Variants in SRGAP2 observed in about 807,000 individuals in gnomAD.
SRGAP2 encodes SLIT-ROBO Rho GTPase-activating protein 2.
In SRGAP2, 15 loss-of-function variants were observed where a neutral mutation model predicts 57.2. The observed-to-expected ratio is 0.26, with a 90% CI of 0.18 to 0.40. SRGAP2 has a LOEUF of 0.40. Ranked by LOEUF, SRGAP2 falls within the 10% of genes least tolerant of loss-of-function variation. The pLI is 1.00. For missense variants in SRGAP2, 520 were observed against 669.6 expected, an observed-to-expected ratio of 0.78 and a Z score of 2.47; for synonymous variants, 249 against 248.0, an observed-to-expected ratio of 1.00 and a Z score of -0.04.
chr1:206,419,176 A>G (rs978025811), intron 11 of SRGAP2, among the ~76,000 whole-genome samples, 197 bp from the exon 12 acceptor site: 3 of 152,078 alleles, frequency 2.0e-5, no homozygotes, highest in African/African-American at 7.2e-5. Flanking sequence ...TTGCCCAGAA[A>G]GAGGGTCTTG....
rs1278189946 is a variant in SRGAP2 at position 206,294,345 on chromosome 1, CT to C, written c.68-8933del. ...AATGTAAGGGGAGGAGTGTTTCTTT[CT>C]TTCATAGCTTTGGAATAATCTACCG... On this transcript the variant is annotated intron_variant, in intron 2 of 22. Transcript: ENST00000573034. Among the ~76,000 whole-genome samples, 3 of 25,012 alleles carry C rather than the reference CT, an allele frequency of 1.2e-4. No individual in the cohort carries two copies. The East Asian group carries it at 2.2e-3, about 18-fold the overall frequency. 16.4% of individuals were successfully genotyped at this position (25,012 alleles called of 152,430 possible). A position where few individuals can be genotyped will look rare whatever the true frequency, so the allele number is the denominator to read the frequency against.
chr1:206,239,497 G>A (rs1387038997), intron 2 of SRGAP2, among the ~76,000 whole-genome samples: 1 of 152,048 alleles, frequency 6.6e-6, no homozygotes, highest in African/African-American at 2.4e-5. Context: ...TTCCTCTGTC[G>A]CCCAGGCTGA....
chr1:206,283,744 T>A (rs1262392207), intron 2 of SRGAP2, among the ~76,000 whole-genome samples: 1 of 147,682 alleles, frequency 6.8e-6, no homozygotes, highest in East Asian at 2.0e-4. Flanking sequence ...ATTTAAAAAA[T>A]AATGTCATTA....
intron 10 of SRGAP2, among the ~76,000 whole-genome samples, chr1:206,410,956 G>A (rs1553359356): frequency 2.0e-5 from 3 of 152,210 alleles, no homozygotes; most frequent in Non-Finnish European, 2.9e-5. Flanking sequence ...CACCTCTCAG[G>A]TTCAAGCAGT....
chr1:206,294,688 C>G (rs1354933838), intron 2 of SRGAP2, among the ~76,000 whole-genome samples: 1 of 142,920 alleles, frequency 7.0e-6, no homozygotes, highest in African/African-American at 3.0e-5. Context: ...ATTTTGACCT[C>G]TCTACCATTC....
At chr1:206,354,477 A>G (rs1217751197) in intron 4 of SRGAP2, among the ~76,000 whole-genome samples, 33 of 152,300 alleles carry the variant, frequency 2.2e-4, no homozygotes, top group African/African-American at 7.5e-4. Context: ...GCCAAATTCT[A>G]TCTTCCTTAC....
At chr1:206,329,676 AGTT>A (rs1553331233) in intron 3 of SRGAP2, among the ~76,000 whole-genome samples, 1 of 140,140 alleles carries the variant, frequency 7.1e-6, no homozygotes, top group Non-Finnish European at 1.5e-5. Context: ...ACTTTGCTGA[AGTT>A]GCTTATCAGC....
rs1553302033 is a variant in SRGAP2 at position 206,209,885 on chromosome 1, A to AGAT, written c.67+3849_67+3850insATG. Among the ~76,000 whole-genome samples the AGAT allele has an allele frequency of 3.2e-5, 3 of 95,034 alleles. 1 individual carries two copies. The highest frequency in any genetic ancestry group is 1.9e-4 in the African/African-American group (3 of 16,022). 62.3% of individuals were successfully genotyped at this position (95,034 alleles called of 152,430 possible). ...AATACAGTGTAAATGCTATGTAAATAGTTATACTGCTTTTAAAATTTGTAT... is the reference window on the plus strand; with the variant it reads ...AATACAGTGTAAATGCTATGTAAATAGATGTTATACTGCTTTTAAAATTTGTAT... On this transcript the variant is annotated intron_variant, in intron 2 of 22. Coordinates refer to ENST00000573034, the MANE Select transcript of SRGAP2 (RefSeq NM_015326.5).
intron 2 of SRGAP2, among the ~76,000 whole-genome samples, chr1:206,227,601 A>AT (rs1390759834): frequency 6.6e-6 from 1 of 151,688 alleles, no homozygotes; most frequent in African/African-American, 2.4e-5. Context: ...GCCTCAGGCA[A>AT]TTTATCTTAT....
chr1:206,393,809 C>G, intron 7 of SRGAP2, 136 bp downstream of exon 7: 1 of 482,668 alleles, frequency 2.1e-6, no homozygotes, highest in South Asian at 4.1e-5. Flanking sequence ...CATGATCCAT[C>G]AGGGTGCTTG....
At chr1:206,394,648 T>C (rs879972265) in intron 7 of SRGAP2, among the ~76,000 whole-genome samples, 2 of 152,022 alleles carry the variant, frequency 1.3e-5, no homozygotes, top group Non-Finnish European at 2.9e-5. Flanking sequence ...GCCCATTTTT[T>C]AAAATATGTG....
At position 206,463,113 on chromosome 1, in the gene SRGAP2, C is replaced by G. The variant is rs1259645709; in HGVS notation, c.*1693C>G. On this transcript the variant is annotated 3_prime_UTR_variant, in exon 23 of 23. Coordinates refer to ENST00000573034, the MANE Select transcript of SRGAP2 (RefSeq NM_015326.5). ...AAGAGATTCTTTTTGGACCAACCTG[C>G]GAAATTGGTAGTTAGGTCTATGGAA... The G allele has an allele frequency of 1.3e-5, 2 of 151,444 alleles. No individual in the cohort carries two copies. The highest frequency in any genetic ancestry group is 1.5e-5 in the Non-Finnish European group (1 of 67,978). 9.4% of individuals were successfully genotyped at this position (151,444 alleles called of 1,614,324 possible).
chr1:206,267,214 T>C (rs1553314780), intron 2 of SRGAP2, among the ~76,000 whole-genome samples: 2 of 152,020 alleles, frequency 1.3e-5, no homozygotes, highest in Non-Finnish European at 2.9e-5. Flanking sequence ...GTGATCCGCC[T>C]GCCTCTGCCT....
chr1:206,446,035 C>G, intron 17 of SRGAP2, 40 bp from the exon 18 acceptor site: 1 of 775,324 alleles, frequency 1.3e-6, no homozygotes, highest in Non-Finnish European at 2.4e-6. Context: ...GGCATTCATG[C>G]GAGAGCTTTC....
Position 206,381,359 on chromosome 1 carries a change from C to T in SRGAP2, c.424-2655C>T, listed in dbSNP as rs1484089127. On this transcript the variant is annotated intron_variant, in intron 4 of 22. Coordinates refer to ENST00000573034, the MANE Select transcript of SRGAP2 (RefSeq NM_015326.5). ...GATAGGCTGGCAGGGGGAGATGGCC[C>T]GGAGGCAGGAGGGCAGGGCGGTGGG... 2.4e-3 allele frequency among the ~76,000 whole-genome samples: 300 copies of T among 123,498 alleles called. 1 individual carries two copies. Among genetic ancestry groups the T allele is most frequent in the African/African-American group, 9.3e-3 (288 of 31,066 alleles). The allele number at this position is 123,498 out of a possible 152,430, so 81.0% of individuals were successfully genotyped here. A position where few individuals can be genotyped will look rare whatever the true frequency, so the allele number is the denominator to read the frequency against.
chr1:206,258,257 A>G (rs562004675), intron 2 of SRGAP2, among the ~76,000 whole-genome samples: 16 of 152,268 alleles, frequency 1.1e-4, no homozygotes, highest in African/African-American at 2.9e-4. Context: ...GGGTTTGTAT[A>G]TCGTCCATGG....
intron 3 of SRGAP2, among the ~76,000 whole-genome samples, chr1:206,307,914 G>A (rs1197270754): frequency 2.6e-5 from 4 of 152,204 alleles, no homozygotes; most frequent in Non-Finnish European, 4.4e-5. Context: ...GTGCAGGGGG[G>A]GGTGCTGAAG....
intron 10 of SRGAP2, among the ~76,000 whole-genome samples, chr1:206,411,726 C>G (rs1553359696): frequency 6.6e-6 from 1 of 152,132 alleles, no homozygotes; most frequent in Non-Finnish European, 1.5e-5. Flanking sequence ...TTTTATACCC[C>G]CATGGTAAGA....
intron 19 of SRGAP2, among the ~76,000 whole-genome samples, chr1:206,451,500 G>C (rs1663304634): frequency 6.6e-6 from 1 of 152,050 alleles, no homozygotes; most frequent in African/African-American, 2.4e-5. Flanking sequence ...AGAATGAAAT[G>C]GCAACAGTCT....
Sources: gnomAD v4.1 joint callset for allele counts (sites outside exome capture counted in the v4.1 genomes callset) on GRCh38, gnomAD v4.1.1 for gene constraint, MANE v1.5 for transcripts, NCBI Gene and HGNC (gene_info 2026-07-23, HGNC 2026-07-21) for gene names.